Variants in ATXN10 observed in about 807,000 individuals in gnomAD.
The protein encoded by ATXN10 is ataxin 10, also known as ataxin-10.
A neutral mutation model predicts 52.9 loss-of-function variants in ATXN10; 28 were observed. That is an observed-to-expected ratio of 0.53 (90% CI 0.39 to 0.73). The LOEUF (loss-of-function observed/expected upper bound fraction) is 0.73. Ranked by LOEUF, ATXN10 falls within the 30% of genes least tolerant of loss-of-function variation. The pLI is 0.00. For synonymous variants in ATXN10, 226 were observed against 221.5 expected, an observed-to-expected ratio of 1.02 and a Z score of -0.18; for missense variants, 565 against 577.0, an observed-to-expected ratio of 0.98 and a Z score of 0.21.
intron 5 of ATXN10, among the ~76,000 whole-genome samples, chr22:45,717,722 C>T (rs1924499534): frequency 6.6e-6 from 1 of 152,128 alleles, no homozygotes; most frequent in Non-Finnish European, 1.5e-5. Flanking sequence ...TTAATGCTTG[C>T]AGTCAATTTT....
At chr22:45,827,810 A>G (rs1334214506) in intron 10 of ATXN10, among the ~76,000 whole-genome samples, 1 of 152,222 alleles carries the variant, frequency 6.6e-6, no homozygotes, top group African/African-American at 2.4e-5. Context: ...CTATCCTACA[A>G]CAAGAGCATA....
Position 45,769,513 on chromosome 22 carries a change from T to G in ATXN10, c.1173+28975T>G, listed in dbSNP as rs135983. On this transcript the variant is annotated intron_variant, in intron 9 of 11. Coordinates refer to ENST00000252934, the MANE Select transcript of ATXN10 (RefSeq NM_013236.4). This position sits in a 1 kb window ranked among gnomAD's most constrained non-coding sequence, Gnocchi z 4.2. ...CACCGTGGAGTTGGGCCTTGAGGAA[T>G]GGTGGGTAGCAGTTATGTGGCGATG... is the stretch of plus-strand genomic sequence containing the variant. Among the ~76,000 whole-genome samples, 133,088 of 152,100 alleles carry G rather than the reference T, an allele frequency of 0.88. 58,529 individuals are homozygous for G. Among genetic ancestry groups the G allele is most frequent in the African/African-American group, 0.96 (40,039 of 41,504 alleles).
chr22:45,764,243 C>T (rs532883342), intron 9 of ATXN10, among the ~76,000 whole-genome samples: 1 of 151,786 alleles, frequency 6.6e-6, no homozygotes, highest in East Asian at 1.9e-4. Context: ...CCAGCCCCCA[C>T]CCCCACTCCC....
chr22:45,844,248 G>A lies in ATXN10; in HGVS notation c.*577G>A, dbSNP rs1049977619. On this transcript the variant is annotated 3_prime_UTR_variant, in exon 12 of 12. Transcript: ENST00000252934. ...TCTTGTCACTGAGCCCTATCCCTTT[G>A]GAATGTGGCAGGGAGTGAGGTTGGT... The A allele has an allele frequency of 4.4e-5, 7 of 157,978 alleles. No individual in the cohort carries two copies. Among genetic ancestry groups the A allele is most frequent in the African/African-American group, 1.7e-4 (7 of 41,442 alleles). 9.8% of individuals were successfully genotyped at this position (157,978 alleles called of 1,614,324 possible).
At position 45,843,557 on chromosome 22, in the gene ATXN10, C is replaced by CT; in HGVS notation, c.1426-111dup. ...ATTGCATGAATTGTTTTAGGTTTCTCTAAGTTATTTGTCACCACTGACCAA... is the reference window on the plus strand; with the variant it reads ...ATTGCATGAATTGTTTTAGGTTTCTCTTAAGTTATTTGTCACCACTGACCAA... On this transcript the variant is annotated intron_variant, in intron 11 of 11. Coordinates refer to ENST00000252934, the MANE Select transcript of ATXN10 (RefSeq NM_013236.4). This position sits in a 1 kb window ranked among gnomAD's most constrained non-coding sequence, Gnocchi z 4.5. 1 of 957,804 alleles carries CT rather than the reference C, an allele frequency of 1.0e-6. No individual in the cohort carries two copies. The highest frequency in any genetic ancestry group is 1.7e-6 in the Non-Finnish European group (1 of 600,618). The allele number at this position is 957,804 out of a possible 1,614,324, so 59.3% of individuals were successfully genotyped here.
chr22:45,806,897 C>T (rs1928116680), intron 9 of ATXN10, 62 bp from the exon 10 acceptor site: 2 of 1,255,384 alleles, frequency 1.6e-6, no homozygotes, highest in Non-Finnish European at 2.3e-6. Flanking sequence ...AACAAGTCAT[C>T]TGTAATCTCT....
chr22:45,731,572 G>A (rs1286125825), intron 7 of ATXN10, among the ~76,000 whole-genome samples: 1 of 152,150 alleles, frequency 6.6e-6, no homozygotes, highest in African/African-American at 2.4e-5. Flanking sequence ...TGGAATCACT[G>A]TTGGCAAATG....
rs1027816829 is a variant in ATXN10, at chr22:45,774,491, C to T, written c.1174-32468C>T. Among the ~76,000 whole-genome samples the T allele has an allele frequency of 2.0e-5, 3 of 152,202 alleles. No individual in the cohort carries two copies. Among genetic ancestry groups the T allele is most frequent in the Admixed American group, 6.5e-5 (1 of 15,286 alleles). On this transcript the variant is annotated intron_variant, in intron 9 of 11. Coordinates refer to ENST00000252934, the MANE Select transcript of ATXN10 (RefSeq NM_013236.4). The surrounding 1 kb of genome is among the most constrained non-coding windows in gnomAD (Gnocchi z 6.2). ...CTACTACTTTGATGTAAGAGGAGAT[C>T]GCTATTAGGAAATTCCAGATGTCCA...
At chr22:45,836,935 C>T (rs928534024) in intron 10 of ATXN10, among the ~76,000 whole-genome samples, 5 of 152,114 alleles carry the variant, frequency 3.3e-5, no homozygotes, top group African/African-American at 9.7e-5. Flanking sequence ...GAGGCTTGCC[C>T]GTGCTGACCA....
rs1315170828 is a variant in ATXN10, at chr22:45,744,068, C to T, written c.1173+3530C>T. ...TGGGAGCTCTTGGGGGTCCTCTTAT[C>T]CTTGTTTCTGATTCACCCATTCATC... On this transcript the variant is annotated intron_variant, in intron 9 of 11. Coordinates refer to ENST00000252934, the MANE Select transcript of ATXN10 (RefSeq NM_013236.4). The surrounding 1 kb of genome is among the most constrained non-coding windows in gnomAD (Gnocchi z 4.9). Among the ~76,000 whole-genome samples the T allele has an allele frequency of 1.3e-5, 2 of 152,176 alleles. No individual in the cohort carries two copies. Among genetic ancestry groups the T allele is most frequent in the Non-Finnish European group, 2.9e-5 (2 of 68,032 alleles).
chr22:45,694,897 C>G (rs898505583), intron 3 of ATXN10, among the ~76,000 whole-genome samples: 6 of 136,856 alleles, frequency 4.4e-5, no homozygotes, highest in African/African-American at 1.4e-4. Context: ...GCTGAGATCA[C>G]GCCGCTGCAC....
intron 7 of ATXN10, 72 bp downstream of exon 7, chr22:45,729,662 A>G (rs754698393): frequency 4.0e-6 from 6 of 1,511,420 alleles, no homozygotes; most frequent in Non-Finnish European, 5.5e-6. Flanking sequence ...CAAGTCCTGT[A>G]TGAGAATTCT....
At chr22:45,796,955 A>G (rs969500117) in intron 9 of ATXN10, among the ~76,000 whole-genome samples, 2 of 152,232 alleles carry the variant, frequency 1.3e-5, no homozygotes, top group Non-Finnish European at 2.9e-5. Context: ...GACAAAATAG[A>G]CCTAAGGACA....
chr22:45,791,705 G>A (rs1212284419), intron 9 of ATXN10, among the ~76,000 whole-genome samples: 2 of 152,194 alleles, frequency 1.3e-5, no homozygotes, highest in Non-Finnish European at 2.9e-5. Context: ...TTAGGGGAAG[G>A]GGATCTATTT....
At chr22:45,695,481 A>C (rs188973864) in intron 3 of ATXN10, among the ~76,000 whole-genome samples, 1 of 144,714 alleles carries the variant, frequency 6.9e-6, no homozygotes, top group Non-Finnish European at 1.5e-5. Context: ...TGCATATAAC[A>C]TGAGGCATAT....
chr22:45,674,591 T>TAGG (rs1922606593), intron 1 of ATXN10: 1 of 152,232 alleles, frequency 6.6e-6, no homozygotes, highest in Admixed American at 6.5e-5. Context: ...GGTCTCCTCT[T>TAGG]CAGAGAGGAC....
chr22:45,811,722 A>G (rs765282345), intron 10 of ATXN10: 12 of 470,998 alleles, frequency 2.5e-5, no homozygotes, highest in Non-Finnish European at 4.8e-5. Context: ...CCACACTTGC[A>G]TCATTGCTGG....
chr22:45,844,561 A>T lies in ATXN10; in HGVS notation c.*890A>T, dbSNP rs897126593. The T allele has an allele frequency of 6.6e-6, 1 of 152,186 alleles. No individual in the cohort carries two copies. Among genetic ancestry groups the T allele is most frequent in the African/African-American group, 2.4e-5 (1 of 41,446 alleles). The allele number at this position is 152,186 out of a possible 1,614,324, so 9.4% of individuals were successfully genotyped here. ...CTTTTAGGGAGCAGGAGTTTATTTG[A>T]CATCTAGTTATCTGTCTGTCTGTTC... On this transcript the variant is annotated 3_prime_UTR_variant, in exon 12 of 12. Transcript: ENST00000252934.
intron 2 of ATXN10, among the ~76,000 whole-genome samples, chr22:45,691,076 C>G (rs1923355536): frequency 6.6e-6 from 1 of 152,156 alleles, no homozygotes; most frequent in South Asian, 2.1e-4. Flanking sequence ...AGTCGTGTAA[C>G]TTCAATACTA....
Sources: allele counts gnomAD v4.1 joint callset (sites outside exome capture counted in the v4.1 genomes callset), GRCh38; gene constraint gnomAD v4.1.1; non-coding constraint Gnocchi (gnomAD v3.1); transcripts MANE v1.5; gene names NCBI Gene and HGNC (gene_info 2026-07-23, HGNC 2026-07-21).